The following EDIL3 variants were observed in gnomAD, a reference collection of about 807,000 sequenced individuals.
The protein encoded by EDIL3 is EGF-like repeat and discoidin I-like domain-containing protein 3.
EDIL3 carries 37 observed loss-of-function variants against 67.4 expected under a neutral mutation model. The observed-to-expected ratio is 0.55, with a 90% CI of 0.42 to 0.72. The LOEUF is 0.72. Among genes scored for constraint, EDIL3 ranks in the 30% least tolerant of loss-of-function variants. EDIL3 has a pLI of 0.00. For synonymous variants in EDIL3, 195 were observed against 196.3 expected, an observed-to-expected ratio of 0.99 and a Z score of 0.05; for missense variants, 527 against 586.3, an observed-to-expected ratio of 0.90 and a Z score of 1.04.
intron 6 of EDIL3, among the ~76,000 whole-genome samples, chr5:84,094,144 C>T (rs887098727): frequency 6.6e-6 from 1 of 152,126 alleles, no homozygotes; most frequent in African/African-American, 2.4e-5. Context: ...CTTTTCAGGA[C>T]AGAAGCATTA....
chr5:84,311,507 G>T lies in EDIL3; in HGVS notation c.68-57295C>A, dbSNP rs117004712. 9.0e-4 allele frequency among the ~76,000 whole-genome samples: 136 copies of T among 151,882 alleles called. No homozygotes were observed. The East Asian group carries it at 0.022, about 24-fold the overall frequency. The stretch of plus-strand genomic sequence containing the variant: ...AGGGCATGCAAAAGGGCTTTAACGT[G>T]TTGGTTGTAATCTGTATCTTAAACT... On this transcript the variant is annotated intron_variant, in intron 1 of 10. Transcript: ENST00000296591.
intron 3 of EDIL3, among the ~76,000 whole-genome samples, chr5:84,213,298 C>A (rs1357125925): frequency 2.0e-5 from 3 of 152,074 alleles, no homozygotes; most frequent in African/African-American, 7.2e-5. Flanking sequence ...AAAAAAATCC[C>A]TAACCATTCT....
At chr5:84,028,462 C>T (rs1229257630) in intron 9 of EDIL3, among the ~76,000 whole-genome samples, 1 of 152,092 alleles carries the variant, frequency 6.6e-6, no homozygotes. Flanking sequence ...CTTGATTCTA[C>T]CATACGTTAG....
chr5:84,043,497 A>G (rs1746167974), intron 9 of EDIL3, among the ~76,000 whole-genome samples: 1 of 152,232 alleles, frequency 6.6e-6, no homozygotes, highest in Admixed American at 6.5e-5. Context: ...CATATGTTGT[A>G]TATATTGTGC....
At chr5:84,316,088 C>A (rs1746507171) in intron 1 of EDIL3, among the ~76,000 whole-genome samples, 1 of 152,064 alleles carries the variant, frequency 6.6e-6, no homozygotes, top group South Asian at 2.1e-4. Flanking sequence ...CCAGGCCTGC[C>A]CTACAAGAGC....
chr5:84,280,805 G>A (rs760037712), intron 1 of EDIL3, among the ~76,000 whole-genome samples: 9 of 151,172 alleles, frequency 6.0e-5, no homozygotes, highest in South Asian at 2.1e-4. Context: ...ATAGCTAGGC[G>A]TGGTGGTGCA....
chr5:84,383,033 G>A, intron 1 of EDIL3, among the ~76,000 whole-genome samples: 1 of 152,198 alleles, frequency 6.6e-6, no homozygotes, highest in Non-Finnish European at 1.5e-5. Flanking sequence ...GTGCATGGAT[G>A]GATGGTGCAG....
At chr5:83,978,740 T>C (rs1248505249) in intron 9 of EDIL3, among the ~76,000 whole-genome samples, 1 of 152,006 alleles carries the variant, frequency 6.6e-6, no homozygotes, top group African/African-American at 2.4e-5. Context: ...CCAACGGAAG[T>C]TGGACTCAAT....
intron 1 of EDIL3, among the ~76,000 whole-genome samples, chr5:84,363,001 G>T (rs1209495553): frequency 2.0e-5 from 3 of 151,878 alleles, no homozygotes; most frequent in Admixed American, 6.6e-5. Flanking sequence ...TTTATTTTTT[G>T]ATAGCAATGA....
chr5:84,077,651 A>G (rs1341857584), intron 6 of EDIL3, among the ~76,000 whole-genome samples: 3 of 152,046 alleles, frequency 2.0e-5, no homozygotes, highest in Admixed American at 6.6e-5. Flanking sequence ...CCATGATTCA[A>G]TTACCTCCCA....
intron 1 of EDIL3, among the ~76,000 whole-genome samples, chr5:84,272,883 T>A (rs771451964): frequency 6.6e-6 from 1 of 152,148 alleles, no homozygotes; most frequent in Non-Finnish European, 1.5e-5. Context: ...ACGATGGATG[T>A]CTTGATTAAT....
chr5:84,106,905 T>A, intron 5 of EDIL3, 75 bp from the exon 6 acceptor site: 3 of 1,443,026 alleles, frequency 2.1e-6, no homozygotes, highest in Non-Finnish European at 2.8e-6. Flanking sequence ...TTCGATTTGA[T>A]AGGATTTTTT....
chr5:84,270,091 G>C (rs575400829), intron 1 of EDIL3, among the ~76,000 whole-genome samples: 34 of 151,998 alleles, frequency 2.2e-4, no homozygotes, highest in African/African-American at 8.2e-4. Context: ...AGATCACAAG[G>C]GTATTTAAAT....
intron 2 of EDIL3, among the ~76,000 whole-genome samples, chr5:84,234,954 G>A (rs1033542805): frequency 2.0e-5 from 3 of 152,086 alleles, no homozygotes; most frequent in African/African-American, 7.2e-5. Context: ...CTACCCAGAT[G>A]TCAAGTGCTC....
At chr5:84,031,831 A>G (rs954665577) in intron 9 of EDIL3, among the ~76,000 whole-genome samples, 1 of 152,236 alleles carries the variant, frequency 6.6e-6, no homozygotes, top group Non-Finnish European at 1.5e-5. Flanking sequence ...ATGACACAAA[A>G]GCTTTTTTAA....
chr5:84,078,233 G>GAGCA (rs1746899166), intron 6 of EDIL3, among the ~76,000 whole-genome samples: 1 of 152,084 alleles, frequency 6.6e-6, no homozygotes. Context: ...TAGCAAAGGA[G>GAGCA]AGCAGCTTAG....
intron 4 of EDIL3, among the ~76,000 whole-genome samples, chr5:84,166,418 A>G (rs574154976): frequency 1.3e-5 from 2 of 152,162 alleles, no homozygotes; most frequent in South Asian, 2.1e-4. Flanking sequence ...ATCATGGGAG[A>G]TAGACTGCTA....
At chr5:84,328,844 T>C (rs943388742) in intron 1 of EDIL3, among the ~76,000 whole-genome samples, 1 of 152,112 alleles carries the variant, frequency 6.6e-6, no homozygotes, top group African/African-American at 2.4e-5. Flanking sequence ...AGAAGATACT[T>C]GTAAGGCTTT....
chr5:84,382,688 CAGCCGTGGA>C (rs1241079151), intron 1 of EDIL3, among the ~76,000 whole-genome samples: 1 of 152,138 alleles, frequency 6.6e-6, no homozygotes, highest in Non-Finnish European at 1.5e-5. Context: ...GGAAAAACAG[CAGCCGTGGA>C]AGCACTCTCT....
Sources: gnomAD v4.1 joint callset for allele counts (sites outside exome capture counted in the v4.1 genomes callset) on GRCh38, gnomAD v4.1.1 for gene constraint, MANE v1.5 for transcripts, NCBI Gene and HGNC (gene_info 2026-07-23, HGNC 2026-07-21) for gene names.